Variants in NRG3 observed in about 807,000 individuals in gnomAD.
NRG3 encodes the protein neuregulin 3.
A neutral mutation model predicts 66.9 loss-of-function variants in NRG3; 31 were observed. The ratio of observed to expected loss-of-function variants is 0.46; its 90% confidence interval spans 0.35 to 0.63. The LOEUF (loss-of-function observed/expected upper bound fraction) is 0.63. NRG3 is among the 20% of genes least tolerant of loss of function. The pLI, the probability that NRG3 is intolerant of heterozygous loss-of-function variation, is 0.00. For missense variants in NRG3, 910 were observed against 878.9 expected (o/e 1.04, Z -0.45); for synonymous variants, 393 against 359.4 (o/e 1.09, Z -1.06).
intron 3 of NRG3, among the ~76,000 whole-genome samples, chr10:82,745,043 A>G (rs2134848186): frequency 6.6e-6 from 1 of 152,308 alleles, no homozygotes; most frequent in African/African-American, 2.4e-5. Context: ...GGAAGTAAAA[A>G]TGCATGAAGA....
intron 3 of NRG3, among the ~76,000 whole-genome samples, chr10:82,817,477 G>C (rs879817865): frequency 6.6e-6 from 1 of 152,136 alleles, no homozygotes; most frequent in Non-Finnish European, 1.5e-5. Context: ...AGGCACTTGT[G>C]CTTGTTGGTT....
chr10:82,964,272 A>C (rs1228997493), intron 6 of NRG3, among the ~76,000 whole-genome samples: 2 of 152,164 alleles, frequency 1.3e-5, no homozygotes, highest in African/African-American at 4.8e-5. Context: ...GTGGGCTCTC[A>C]TCTGTGCCAA....
chr10:82,309,541 G>A (rs1475237438), intron 1 of NRG3, among the ~76,000 whole-genome samples: 1 of 152,130 alleles, frequency 6.6e-6, no homozygotes, highest in African/African-American at 2.4e-5. Context: ...ATGGTCTGTA[G>A]GGTCTAAATT....
intron 2 of NRG3, among the ~76,000 whole-genome samples, chr10:82,712,755 G>C (rs557203589): frequency 9.9e-5 from 15 of 152,232 alleles, no homozygotes; most frequent in Middle Eastern, 3.4e-3. Context: ...TCCTGGAGGA[G>C]GAGCTTCTTA....
intron 6 of NRG3, among the ~76,000 whole-genome samples, chr10:82,966,961 G>C (rs1420013560): frequency 1.3e-5 from 2 of 151,320 alleles, no homozygotes; most frequent in Non-Finnish European, 2.9e-5. Flanking sequence ...GACACTCCTT[G>C]CTTATGTTGT....
intron 4 of NRG3, among the ~76,000 whole-genome samples, chr10:82,915,907 T>G (rs1845784048): frequency 6.6e-6 from 1 of 152,200 alleles, no homozygotes; most frequent in African/African-American, 2.4e-5. Flanking sequence ...ACGTTTATTT[T>G]TCTGAAATAA....
intron 2 of NRG3, among the ~76,000 whole-genome samples, chr10:82,673,282 T>C (rs2053432245): frequency 6.6e-6 from 1 of 152,240 alleles, no homozygotes; most frequent in African/African-American, 2.4e-5. Flanking sequence ...ATTATCTTAC[T>C]TTTTAAATTC....
chr10:82,359,519 G>A (rs762308139), intron 2 of NRG3, among the ~76,000 whole-genome samples: 2 of 152,116 alleles, frequency 1.3e-5, no homozygotes, highest in Non-Finnish European at 2.9e-5. Context: ...GAGACATAAG[G>A]TTATGTAACT....
chr10:81,994,608 A>G (rs1388401703), intron 1 of NRG3, among the ~76,000 whole-genome samples: 1 of 152,056 alleles, frequency 6.6e-6, no homozygotes, highest in Non-Finnish European at 1.5e-5. Context: ...TATATGAGAT[A>G]ATAGCTTTCT....
intron 7 of NRG3, among the ~76,000 whole-genome samples, chr10:82,976,646 T>C (rs1852282753): frequency 6.6e-6 from 1 of 152,230 alleles, no homozygotes; most frequent in African/African-American, 2.4e-5. Context: ...TTTTTTGTTT[T>C]CTGCCTTGCC....
At chr10:82,858,035 C>T (rs747866158) in intron 3 of NRG3, among the ~76,000 whole-genome samples, 5 of 152,158 alleles carry the variant, frequency 3.3e-5, no homozygotes, top group African/African-American at 4.8e-5. Flanking sequence ...GTGCTCCTTT[C>T]CCACTGTGGG....
At chr10:82,181,777 G>A (rs1038272383) in intron 1 of NRG3, among the ~76,000 whole-genome samples, 1 of 151,660 alleles carries the variant, frequency 6.6e-6, no homozygotes, top group African/African-American at 2.4e-5. Flanking sequence ...AGGCCCATTT[G>A]TTTTATATTG....
intron 3 of NRG3, among the ~76,000 whole-genome samples, chr10:82,752,404 C>CA (rs368852446): frequency 2.2e-4 from 33 of 152,072 alleles, no homozygotes; most frequent in African/African-American, 7.5e-4. Context: ...GTAAAATGAA[C>CA]AAAAAATCCC....
intron 2 of NRG3, among the ~76,000 whole-genome samples, chr10:82,541,295 T>C (rs2043523111): frequency 6.6e-6 from 1 of 152,072 alleles, no homozygotes; most frequent in African/African-American, 2.4e-5. Flanking sequence ...TGTATGTAAA[T>C]ATATATACTC....
chr10:82,698,960 A>G (rs1222128559), intron 2 of NRG3, among the ~76,000 whole-genome samples: 1 of 152,166 alleles, frequency 6.6e-6, no homozygotes, highest in African/African-American at 2.4e-5. Context: ...TGTTGGTCTC[A>G]TTGATATTTC....
At chr10:82,172,768 T>A (rs918178658) in intron 1 of NRG3, among the ~76,000 whole-genome samples, 10 of 152,106 alleles carry the variant, frequency 6.6e-5, no homozygotes, top group African/African-American at 2.2e-4. Context: ...CTGCGGGGCC[T>A]TTCCCGCTTG....
intron 2 of NRG3, among the ~76,000 whole-genome samples, chr10:82,727,168 A>G (rs1322621814): frequency 1.3e-5 from 2 of 152,228 alleles, no homozygotes; most frequent in Non-Finnish European, 2.9e-5. Flanking sequence ...GATAGAAAAG[A>G]AAATTCAATT....
At chr10:82,697,837 T>C (rs2055516752) in intron 2 of NRG3, among the ~76,000 whole-genome samples, 1 of 152,106 alleles carries the variant, frequency 6.6e-6, no homozygotes, top group Non-Finnish European at 1.5e-5. Context: ...AATGTGTCAC[T>C]CTGTAATTGG....
intron 1 of NRG3, among the ~76,000 whole-genome samples, chr10:82,144,094 C>A (rs889176323): frequency 6.6e-6 from 1 of 151,292 alleles, no homozygotes; most frequent in Non-Finnish European, 1.5e-5. Flanking sequence ...TGGAAGCATT[C>A]TTGGTATTCA....
Sources: gnomAD v4.1 joint callset for allele counts (sites outside exome capture counted in the v4.1 genomes callset) on GRCh38, gnomAD v4.1.1 for gene constraint, MANE v1.5 for transcripts, NCBI Gene and HGNC (gene_info 2026-07-23, HGNC 2026-07-21) for gene names.